Variants in CPAP observed in about 807,000 individuals in gnomAD.
CPAP encodes the protein centrosome assembly and centriole elongation protein.
chr13:24,917,947 G>A, the CPAP span, among the ~76,000 whole-genome samples: 1 of 152,260 alleles, frequency 6.6e-6, no homozygotes, highest in South Asian at 2.1e-4. Context: ...CATTAGGGTG[G>A]AGCCCTCATG....
At chr13:24,904,667 G>C in the CPAP span, among the ~76,000 whole-genome samples, 1 of 152,186 alleles carries the variant, frequency 6.6e-6, no homozygotes, top group African/African-American at 2.4e-5. Flanking sequence ...CTTTTGGGTA[G>C]TTAAGTTGTA....
the CPAP span, among the ~76,000 whole-genome samples, chr13:24,930,292 A>C: frequency 2.0e-5 from 3 of 151,982 alleles, no homozygotes; most frequent in African/African-American, 7.2e-5. Flanking sequence ...CTATCTATTA[A>C]TAATCTTTAT....
At chr13:24,891,340 C>T in the CPAP span, among the ~76,000 whole-genome samples, 1 of 152,082 alleles carries the variant, frequency 6.6e-6, no homozygotes, top group Non-Finnish European at 1.5e-5. Context: ...TGAGACGATC[C>T]CAGGTGTGTG....
At chr13:24,904,046 C>G in the CPAP span, 6 of 1,613,756 alleles carry the variant, frequency 3.7e-6, no homozygotes, top group African/African-American at 8.0e-5. Context: ...AACCTGGGAT[C>G]GAGCATTGTC....
chr13:24,921,204 G>A, the CPAP span, among the ~76,000 whole-genome samples: 1 of 152,192 alleles, frequency 6.6e-6, no homozygotes, highest in Non-Finnish European at 1.5e-5. Flanking sequence ...AGATGCTGAG[G>A]TAACTTGCTG....
At chr13:24,933,280 C>T in the CPAP span, 2 of 659,370 alleles carry the variant, frequency 3.0e-6, no homozygotes, top group Non-Finnish European at 5.1e-6. Context: ...GTGACTTGGC[C>T]GGTTGGGAGG....
At chr13:24,925,620 G>A in the CPAP span, among the ~76,000 whole-genome samples, 1 of 152,146 alleles carries the variant, frequency 6.6e-6, no homozygotes, top group Admixed American at 6.6e-5. Context: ...AAAAAAGTGG[G>A]GGAGGACATC....
chr13:24,928,169 C>T, the CPAP span, among the ~76,000 whole-genome samples: 2 of 152,218 alleles, frequency 1.3e-5, no homozygotes, highest in African/African-American at 4.8e-5. Flanking sequence ...GCCCAGCAGT[C>T]CTCTAGCTGC....
At chr13:24,913,152 A>G in the CPAP span, 1 of 779,120 alleles carries the variant, frequency 1.3e-6, no homozygotes, top group Admixed American at 2.3e-5. Context: ...CCTACCAAAA[A>G]TGAGCCCAAA....
the CPAP span, chr13:24,884,562 A>C: frequency 1.9e-5 from 22 of 1,142,932 alleles, no homozygotes; most frequent in Non-Finnish European, 2.9e-5. Context: ...TTTGTAATAA[A>C]ATGTAAAACA....
the CPAP span, among the ~76,000 whole-genome samples, chr13:24,894,503 G>C: frequency 6.6e-6 from 1 of 152,268 alleles, no homozygotes; most frequent in East Asian, 1.9e-4. Context: ...CAGTGCCATA[G>C]AATGACCGGA....
chr13:24,909,777 A>AT, the CPAP span: 434 of 1,607,010 alleles, frequency 2.7e-4, 7 homozygotes, highest in East Asian at 9.6e-3. Flanking sequence ...AGAGAGAAAC[A>AT]TAAGTAGCTC....
chr13:24,895,419 C>CA, the CPAP span, among the ~76,000 whole-genome samples: 29,094 of 151,206 alleles, frequency 0.19, 2,837 homozygotes, highest in South Asian at 0.23. Context: ...ACTAAAAATA[C>CA]AAAAAAAAAT....
the CPAP span, among the ~76,000 whole-genome samples, chr13:24,903,511 G>A: frequency 1.1e-4 from 17 of 152,316 alleles, no homozygotes; most frequent in Admixed American, 7.2e-4. Flanking sequence ...GAAGCTGGAG[G>A]AGCCAGCATG....
chr13:24,899,575 A>G, the CPAP span: 1 of 1,613,462 alleles, frequency 6.2e-7, no homozygotes. Context: ...CGAAGTCTGC[A>G]ATTTCTTTCC....
At chr13:24,895,314 G>A in the CPAP span, among the ~76,000 whole-genome samples, 2 of 152,222 alleles carry the variant, frequency 1.3e-5, no homozygotes, top group Admixed American at 6.5e-5. Context: ...GGTGGCTCAC[G>A]CCTGTAATCC....
chr13:24,909,641 T>C, the CPAP span: 1 of 726,056 alleles, frequency 1.4e-6, no homozygotes, highest in South Asian at 1.7e-5. Context: ...GAAGATTACT[T>C]GTGCCCAGGA....
the CPAP span, chr13:24,882,530 G>C: frequency 6.6e-6 from 1 of 152,636 alleles, no homozygotes; most frequent in Non-Finnish European, 1.5e-5. Flanking sequence ...GGTTAACACT[G>C]GCTAGTCATC....
the CPAP span, chr13:24,885,252 A>ATTAT: frequency 2.8e-6 from 4 of 1,431,420 alleles, no homozygotes; most frequent in South Asian, 4.6e-5. Flanking sequence ...TATAGAATTC[A>ATTAT]TTATTTCAAA....
Sources: allele counts gnomAD v4.1 joint callset (sites outside exome capture counted in the v4.1 genomes callset), GRCh38; gene constraint gnomAD v4.1.1; transcripts MANE v1.5; gene names NCBI Gene and HGNC (gene_info 2026-07-23, HGNC 2026-07-21).